Variants in KCNH6 observed in about 807,000 individuals in gnomAD.
KCNH6 encodes potassium voltage-gated channel subfamily H member 6, also known as voltage-gated inwardly rectifying potassium channel KCNH6.
A neutral mutation model predicts 83.4 loss-of-function variants in KCNH6; 81 were observed. The ratio of observed to expected loss-of-function variants is 0.97; its 90% CI spans 0.81 to 1.17. The LOEUF is 1.17. Among genes scored for constraint, KCNH6 ranks in the 50% most tolerant of loss-of-function variants. KCNH6 has a pLI of 0.00. For synonymous variants in KCNH6, 503 were observed against 545.6 expected (o/e 0.92, Z 1.09); for missense variants, 1,203 against 1,290.5 (o/e 0.93, Z 1.04).
intron 1 of KCNH6, 123 bp from the exon 2 acceptor site, chr17:63,524,016 G>A (rs528047709): frequency 1.2e-5 from 9 of 738,290 alleles, no homozygotes; most frequent in East Asian, 5.0e-5. Context: ...CCCTCATTCC[G>A]GTCACTGCCC....
intron 4 of KCNH6, among the ~76,000 whole-genome samples, chr17:63,530,787 C>T (rs913525060): frequency 3.9e-5 from 6 of 152,202 alleles, no homozygotes; most frequent in African/African-American, 1.4e-4. Context: ...GTCAGTAGGG[C>T]CTGTGAATGA....
At chr17:63,529,650 C>T (rs2031950145) in intron 2 of KCNH6, among the ~76,000 whole-genome samples, 1 of 152,198 alleles carries the variant, frequency 6.6e-6, no homozygotes, top group African/African-American at 2.4e-5. Context: ...CAACAAATTC[C>T]TCCCTGCATC....
chr17:63,544,699 C>T (rs761254674), intron 11 of KCNH6, among the ~76,000 whole-genome samples: 2 of 152,042 alleles, frequency 1.3e-5, no homozygotes, highest in African/African-American at 2.4e-5. Flanking sequence ...GGTGGCAGAG[C>T]GAGGGCTTAG....
At chr17:63,544,839 G>A (rs1208809211) in intron 11 of KCNH6, among the ~76,000 whole-genome samples, 1 of 152,096 alleles carries the variant, frequency 6.6e-6, no homozygotes, top group Non-Finnish European at 1.5e-5. Flanking sequence ...CCACATCAAA[G>A]CATCTTGGGG....
intron 2 of KCNH6, among the ~76,000 whole-genome samples, chr17:63,527,346 C>T (rs181842692): frequency 6.6e-6 from 1 of 152,320 alleles, no homozygotes; most frequent in African/African-American, 2.4e-5. Flanking sequence ...TAGCACCAGC[C>T]TCTCCCTGGG....
rs2031519187 is a variant in KCNH6 at position 63,523,999 on chromosome 17, A to T, written c.77-140A>T. ...AGTCTTCCCACAATCCCCAGGCCTG[A>T]CTCCCTCCCTCATTCCGGTCACTGC... On this transcript the variant is annotated intron_variant, in intron 1 of 12. Coordinates refer to ENST00000314672, the MANE Select transcript of KCNH6 (RefSeq NM_001278919.2). The surrounding 1 kb of genome is among the most constrained non-coding windows in gnomAD (Gnocchi z 4.2). 1 of 697,742 alleles carries T rather than the reference A, an allele frequency of 1.4e-6. No individual in the cohort carries two copies. Among genetic ancestry groups the T allele is most frequent in the African/African-American group, 1.8e-5 (1 of 56,284 alleles). The allele number at this position is 697,742 out of a possible 1,614,324, so 43.2% of individuals were successfully genotyped here.
intron 6 of KCNH6, among the ~76,000 whole-genome samples, chr17:63,536,598 C>T (rs1213901317): frequency 4.0e-5 from 6 of 149,160 alleles, no homozygotes; most frequent in South Asian, 4.3e-4. Flanking sequence ...GAGCCAAGAT[C>T]GTGCCACTGC....
rs2032305440 is a variant in KCNH6, at chr17:63,534,055, T to C, written c.845T>C (p.Leu282Pro). The C allele has an allele frequency of 6.2e-7, 1 of 1,614,032 alleles. No individual in the cohort carries two copies. The highest frequency in any genetic ancestry group is 8.5e-7 in the Non-Finnish European group (1 of 1,180,012). The change falls in exon 5 of 13, where the codon CTC becomes CCC. Residue 282 changes from leucine to proline, a missense_variant. Leu to Pro is a moderately conservative substitution (Grantham distance 98). Transcript: ENST00000314672. The surrounding 1 kb of genome is among the most constrained non-coding windows in gnomAD (Gnocchi z 5.0). ...ACGCCCTACTCAGCCGCCTTCCTGCTCAGCGATCAGGACGAATCACGGCGT... is the reference window on the plus strand; with the variant it reads ...ACGCCCTACTCAGCCGCCTTCCTGCCCAGCGATCAGGACGAATCACGGCGT... ...VFTPYSAAFL[L>P]SDQDESRRGA...
chr17:63,527,774 A>G (rs527663606), intron 2 of KCNH6, among the ~76,000 whole-genome samples: 1 of 152,112 alleles, frequency 6.6e-6, no homozygotes, highest in Non-Finnish European at 1.5e-5. Flanking sequence ...GCTCTGAGCC[A>G]CGGGTAAGCA....
At chr17:63,544,109 A>G (rs1473345318) in intron 10 of KCNH6, 140 bp from the exon 11 acceptor site, 2 of 1,608,110 alleles carry the variant, frequency 1.2e-6, no homozygotes, top group Non-Finnish European at 1.7e-6. Flanking sequence ...CTTGTGCTCC[A>G]GGGCACCCAG....
Position 63,543,581 on chromosome 17 carries a change from C to T in KCNH6, c.2154C>T (p.Ala718=), listed in dbSNP as rs183418801. The change falls in exon 10 of 13, where the codon GCC becomes GCT. Residue 718 remains alanine, a synonymous_variant. Transcript: ENST00000314672. ...LEVTFNLRDA[A]GGLHSSPRQA... ...ACCCTCTTGCTTCCCATAAGGCAGC[C>T]GGGGGTCTCCACTCATCCCCCCGAC... 474 of 1,610,528 alleles carry T rather than the reference C, an allele frequency of 2.9e-4. 3 individuals carry two copies. The East Asian group carries it at 1.0e-2, about 34-fold the overall frequency.
chr17:63,527,515 T>G (rs554289891), intron 2 of KCNH6, among the ~76,000 whole-genome samples: 3 of 152,272 alleles, frequency 2.0e-5, no homozygotes, highest in Admixed American at 2.0e-4. Flanking sequence ...GGGGTGCCTT[T>G]GCTAAGAAAA....
At chr17:63,541,229 A>G (rs891484412) in intron 8 of KCNH6, among the ~76,000 whole-genome samples, 1 of 149,854 alleles carries the variant, frequency 6.7e-6, no homozygotes, top group Non-Finnish European at 1.5e-5. Context: ...AACATCACCC[A>G]TGTCTACCCT....
chr17:63,534,611 C>T lies in KCNH6; in HGVS notation c.1101+300C>T, dbSNP rs1465338570. Among the ~76,000 whole-genome samples, 6 of 152,056 alleles carry T rather than the reference C, an allele frequency of 3.9e-5. No homozygotes were observed. Among genetic ancestry groups the T allele is most frequent in the Non-Finnish European group, 8.8e-5 (6 of 67,978 alleles). The stretch of plus-strand genomic sequence containing the variant: ...GTGTGGTCCCGGCCCCTCATGCTGA[C>T]TTCCAAACTGCACTCACCCTGGAGG... On this transcript the variant is annotated intron_variant, in intron 5 of 12. Transcript: ENST00000314672. This position sits in a 1 kb window ranked among gnomAD's most constrained non-coding sequence, Gnocchi z 5.0.
At position 63,538,544 on chromosome 17, in the gene KCNH6, C is replaced by T; in HGVS notation, c.1836C>T (p.Thr612=). 6.2e-7 allele frequency: 1 copy of T among 1,610,688 alleles called. No homozygotes were observed. Among genetic ancestry groups the T allele is most frequent in the Non-Finnish European group, 8.5e-7 (1 of 1,178,752 alleles). Residue 612 remains threonine (T), a synonymous_variant, in exon 8 of 13, where the codon ACC becomes ACT. Transcript: ENST00000314672. This position sits in a 1 kb window ranked among gnomAD's most constrained non-coding sequence, Gnocchi z 4.0. ...GCGCGCTAGCCGTCAAGTTCAAGAC[C>T]ACCCACGCGCCGCCTGGGGACACGC... is the stretch of plus-strand genomic sequence containing the variant. The part of the protein sequence containing the change: ...CLRALAVKFK[T]THAPPGDTLV...
intron 8 of KCNH6, among the ~76,000 whole-genome samples, chr17:63,541,118 G>T (rs557709255): frequency 4.6e-5 from 7 of 152,204 alleles, no homozygotes; most frequent in African/African-American, 1.4e-4. Context: ...GATTTGGGAG[G>T]GTCCTTGTGG....
chr17:63,546,083 GA>G lies in KCNH6; in HGVS notation c.*189del, dbSNP rs1403982655. ...CCCCACCTCTACTAAAATTAAAAAA[GA>G]AAAAAAATAGCCGGGCGTGGTGGCA... On this transcript the variant is annotated 3_prime_UTR_variant, in exon 13 of 13. Transcript: ENST00000314672. The G allele has an allele frequency of 2.5e-5, 14 of 570,794 alleles. No individual in the cohort carries two copies. Among genetic ancestry groups the G allele is most frequent in the East Asian group, 5.8e-5 (2 of 34,458 alleles). The allele number at this position is 570,794 out of a possible 1,614,324, so 35.4% of individuals were successfully genotyped here.
At position 63,523,515 on chromosome 17, in the gene KCNH6, G is replaced by A; in HGVS notation, c.76+26G>A. ...GTGAGTGTGTGTATGTTGGGGCGGG[G>A]GGACGATCTGGAGTCCTGGTTCCGT... On this transcript the variant is annotated intron_variant, in intron 1 of 12. Transcript: ENST00000314672. The surrounding 1 kb of genome is among the most constrained non-coding windows in gnomAD (Gnocchi z 4.2). 6.3e-7 allele frequency: 1 copy of A among 1,588,408 alleles called. No individual in the cohort carries two copies. Among genetic ancestry groups the A allele is most frequent in the Non-Finnish European group, 8.6e-7 (1 of 1,166,338 alleles).
rs776964496 is a variant in KCNH6 at position 63,524,360 on chromosome 17, C to T, written c.298C>T (p.Arg100Cys). 1.8e-5 allele frequency: 29 copies of T among 1,612,784 alleles called. 1 individual carries two copies. The highest frequency in any genetic ancestry group is 1.2e-4 in the African/African-American group (9 of 74,912). ...EECKVDILYY[R>C]KDASSFRCLV... ...GTGCAAGGTGGACATCCTCTACTAC[C>T]GCAAGGATGGTGAGGCATACTCAGG... Residue 100 changes from arginine (R) to cysteine (C), a missense_variant, in exon 2 of 13, where the codon CGC (arginine) becomes TGC (cysteine). By Grantham distance (180) the Arg-to-Cys change is radical. Transcript: ENST00000314672.
Sources: allele counts gnomAD v4.1 joint callset (sites outside exome capture counted in the v4.1 genomes callset), GRCh38; gene constraint gnomAD v4.1.1; non-coding constraint Gnocchi (gnomAD v3.1); transcripts MANE v1.5; gene names NCBI Gene and HGNC (gene_info 2026-07-23, HGNC 2026-07-21).